Variants in TPX2 observed in about 807,000 individuals in gnomAD.
TPX2 encodes the protein targeting protein for Xklp2.
A neutral mutation model predicts 93.6 loss-of-function variants in TPX2; 21 were observed. The ratio of observed to expected loss-of-function variants is 0.22; its 90% CI spans 0.16 to 0.32. The LOEUF is 0.32. Among genes scored for constraint, TPX2 ranks in the 10% least tolerant of loss-of-function variants. The probability of loss-of-function intolerance (pLI) is 1.00; values close to 1 mark genes in which losing one functional copy is unlikely to be tolerated. For synonymous variants in TPX2, 281 were observed against 298.3 expected (o/e 0.94, Z 0.60); for missense variants, 776 against 871.1 (o/e 0.89, Z 1.37).
intron 2 of TPX2, among the ~76,000 whole-genome samples, chr20:31,755,473 G>A (rs1003851026): frequency 6.6e-6 from 1 of 151,922 alleles, no homozygotes; most frequent in East Asian, 1.9e-4. Flanking sequence ...AGTACATGTC[G>A]TTCCCTGGAT....
intron 15 of TPX2, among the ~76,000 whole-genome samples, chr20:31,796,015 A>G (rs1300075584): frequency 6.6e-6 from 1 of 152,212 alleles, no homozygotes; most frequent in Non-Finnish European, 1.5e-5. Context: ...GTGGTTCTCT[A>G]AGAAACCTTA....
At chr20:31,745,361 A>G (rs980654629) in intron 2 of TPX2, among the ~76,000 whole-genome samples, 2 of 137,024 alleles carry the variant, frequency 1.5e-5, no homozygotes, top group Non-Finnish European at 3.0e-5. Context: ...ACAGAGTCTC[A>G]CTCTGTCAAC....
intron 7 of TPX2, among the ~76,000 whole-genome samples, chr20:31,773,143 A>ATTTTTT (rs769516478): frequency 1.5e-4 from 15 of 102,344 alleles, no homozygotes; most frequent in East Asian, 2.6e-4. Context: ...CACCCGGCTA[A>ATTTTTT]TTTTTTTTTT....
At chr20:31,750,896 TTTGTTGTTG>T (rs540926106) in intron 2 of TPX2, among the ~76,000 whole-genome samples, 7 of 151,900 alleles carry the variant, frequency 4.6e-5, no homozygotes, top group African/African-American at 9.7e-5. Context: ...GCTTAACTAT[TTTGTTGTTG>T]TTGTTGTTGT....
At chr20:31,788,485 C>T (rs1309879620) in intron 12 of TPX2, among the ~76,000 whole-genome samples, 1 of 151,538 alleles carries the variant, frequency 6.6e-6, no homozygotes, top group Non-Finnish European at 1.5e-5. Context: ...AATTTAAGAG[C>T]CCACCTTCCA....
intron 15 of TPX2, among the ~76,000 whole-genome samples, chr20:31,794,786 G>GTGTGTGTGTGTA: frequency 6.6e-6 from 1 of 151,188 alleles, no homozygotes; most frequent in African/African-American, 2.4e-5. Context: ...GTGTGTGTGT[G>GTGTGTGTGTGTA]TGTGTATGTG....
At chr20:31,779,613 G>A (rs987208994) in intron 10 of TPX2, among the ~76,000 whole-genome samples, 13 of 152,200 alleles carry the variant, frequency 8.5e-5, no homozygotes, top group African/African-American at 3.1e-4. Context: ...GGGATTTTGA[G>A]GAGGAGGGAG....
intron 2 of TPX2, among the ~76,000 whole-genome samples, chr20:31,752,326 A>C (rs2061825261): frequency 6.6e-6 from 1 of 152,204 alleles, no homozygotes; most frequent in Non-Finnish European, 1.5e-5. Flanking sequence ...GGAATCCCTC[A>C]GCAGATTCTT....
At chr20:31,788,854 T>C (rs1330730552) in intron 12 of TPX2, among the ~76,000 whole-genome samples, 2 of 152,198 alleles carry the variant, frequency 1.3e-5, no homozygotes, top group African/African-American at 4.8e-5. Flanking sequence ...TAGGGATGAC[T>C]TGGGGAGGGC....
At chr20:31,755,937 C>G (rs149086706) in intron 2 of TPX2, among the ~76,000 whole-genome samples, 1 of 152,150 alleles carries the variant, frequency 6.6e-6, no homozygotes, top group African/African-American at 2.4e-5. Flanking sequence ...TGCAAAACTT[C>G]GTACGCAGGA....
chr20:31,740,951 A>G (rs1332212846), intron 1 of TPX2, among the ~76,000 whole-genome samples: 2 of 152,238 alleles, frequency 1.3e-5, no homozygotes, highest in African/African-American at 2.4e-5. Context: ...ATTGTATTCA[A>G]CTAGGTTGGT....
At chr20:31,790,929 T>A (rs2062096628) in intron 12 of TPX2, among the ~76,000 whole-genome samples, 1 of 151,712 alleles carries the variant, frequency 6.6e-6, no homozygotes, top group South Asian at 2.1e-4. Flanking sequence ...GTCCTGGGAG[T>A]GGAGAGATCT....
At chr20:31,780,115 G>A (rs1333881819) in intron 10 of TPX2, among the ~76,000 whole-genome samples, 1 of 152,124 alleles carries the variant, frequency 6.6e-6, no homozygotes, top group East Asian at 1.9e-4. Context: ...GCAGTGGCGC[G>A]ATCTCGACTC....
chr20:31,772,553 C>T (rs1310785408), intron 7 of TPX2, among the ~76,000 whole-genome samples: 1 of 152,178 alleles, frequency 6.6e-6, no homozygotes, highest in Non-Finnish European at 1.5e-5. Flanking sequence ...GTTCTTACCA[C>T]GTAGATTGAA....
chr20:31,779,442 A>G (rs1358869134), intron 10 of TPX2, among the ~76,000 whole-genome samples: 3 of 152,246 alleles, frequency 2.0e-5, no homozygotes, highest in Non-Finnish European at 4.4e-5. Context: ...GCTACTCAAC[A>G]TCAGGTTTCT....
intron 2 of TPX2, among the ~76,000 whole-genome samples, chr20:31,756,157 T>TTGGA (rs1007760386): frequency 3.3e-5 from 5 of 152,110 alleles, no homozygotes; most frequent in Admixed American, 6.6e-5. Flanking sequence ...ACCTTGATGG[T>TTGGA]TGGATGGATG....
chr20:31,755,601 T>C (rs2061846864), intron 2 of TPX2, among the ~76,000 whole-genome samples: 1 of 151,788 alleles, frequency 6.6e-6, no homozygotes, highest in African/African-American at 2.4e-5. Context: ...CCGTCTCTAC[T>C]GAAAACAAAA....
rs191602256 is a variant in TPX2, at chr20:31,777,387, T to C, written c.731-100T>C. 1.3e-5 allele frequency: 18 copies of C among 1,425,954 alleles called. No individual in the cohort carries two copies. In the African/African-American group the frequency reaches 1.9e-4, roughly 15 times the overall value. 88.3% of individuals were successfully genotyped at this position (1,425,954 alleles called of 1,614,324 possible). A position where few individuals can be genotyped will look rare whatever the true frequency, so the allele number is the denominator to read the frequency against. On this transcript the variant is annotated intron_variant, in intron 8 of 17. Transcript: ENST00000300403. ...CAGGTAGATAGTAAGCAAAGTTAGA[T>C]CCATGGTGACAGAAATAGCAAAAGG...
intron 2 of TPX2, 61 bp from the exon 3 acceptor site, chr20:31,757,346 G>A (rs778476162): frequency 7.3e-5 from 54 of 734,880 alleles, no homozygotes; most frequent in Admixed American, 4.8e-4. Flanking sequence ...AAACGTGGTA[G>A]TAAAACCAAA....
Sources: gnomAD v4.1 joint callset for allele counts (sites outside exome capture counted in the v4.1 genomes callset) on GRCh38, gnomAD v4.1.1 for gene constraint, MANE v1.5 for transcripts, NCBI Gene and HGNC (gene_info 2026-07-23, HGNC 2026-07-21) for gene names.